PLCH1: variants seen among roughly 807,000 people sequenced by gnomAD.
PLCH1 encodes 1-phosphatidylinositol 4,5-bisphosphate phosphodiesterase eta-1.
PLCH1 carries 60 observed loss-of-function variants against 126.7 expected under a neutral mutation model. That is an observed-to-expected ratio of 0.47 (90% CI 0.38 to 0.59). The LOEUF (loss-of-function observed/expected upper bound fraction) is 0.59. Among genes scored for constraint, PLCH1 ranks in the 20% least tolerant of loss-of-function variants. The probability of loss-of-function intolerance (pLI) is 0.00; values close to 1 mark genes in which losing one functional copy is unlikely to be tolerated. For missense variants in PLCH1, 1,723 were observed against 2,040.0 expected (o/e 0.84, Z 2.99); for synonymous variants, 719 against 734.9 (o/e 0.98, Z 0.35).
At chr3:155,469,807 C>CA (rs1713105559) in intron 21 of PLCH1, among the ~76,000 whole-genome samples, 1 of 152,038 alleles carries the variant, frequency 6.6e-6, no homozygotes, top group African/African-American at 2.4e-5. Flanking sequence ...CACCCCCCAG[C>CA]AGGGGCACAC....
intron 2 of PLCH1, among the ~76,000 whole-genome samples, chr3:155,619,498 TAA>T (rs1553857946): frequency 3.7e-5 from 5 of 133,486 alleles, no homozygotes; most frequent in Non-Finnish European, 3.3e-5. Context: ...ACAGAAAAAG[TAA>T]AAAAAAAAAA....
At chr3:155,516,614 C>T (rs1484282708) in intron 11 of PLCH1, among the ~76,000 whole-genome samples, 4 of 151,942 alleles carry the variant, frequency 2.6e-5, no homozygotes, top group Non-Finnish European at 5.9e-5. Flanking sequence ...AATCTGGCAG[C>T]GTATGCCAAA....
At chr3:155,532,680 AC>A (rs1049393565) in intron 10 of PLCH1, among the ~76,000 whole-genome samples, 198 of 152,208 alleles carry the variant, frequency 1.3e-3, no homozygotes, top group African/African-American at 4.6e-3. Flanking sequence ...TTTCCTCTTC[AC>A]CTTCTGCCAT....
intron 2 of PLCH1, among the ~76,000 whole-genome samples, chr3:155,601,714 T>G (rs2108680495): frequency 6.6e-6 from 1 of 152,300 alleles, no homozygotes; most frequent in East Asian, 1.9e-4. Context: ...ACAGTTTTAC[T>G]GAGGTGTCAT....
chr3:155,497,412 C>T lies in PLCH1; in HGVS notation c.1802G>A (p.Gly601Asp). Residue 601 changes from glycine (G) to aspartate (D), a missense_variant, in exon 15 of 23, where the codon GGT becomes GAT. Physicochemically the swap from Gly to Asp is moderately conservative, Grantham distance 94 (BLOSUM62 -1). Transcript: ENST00000460012. ...GKEGGQLYRL[G>D]RRRKTMKLCR... is the part of the protein sequence containing the mutation. ...GAGCTTCATGGTTTTCCTTCGGCGA[C>T]CCAATCTGTGAAGTACCCACAGAGG... 1 of 1,612,544 alleles carries T rather than the reference C, an allele frequency of 6.2e-7. No individual in the cohort carries two copies. Among genetic ancestry groups the T allele is most frequent in the Non-Finnish European group, 8.5e-7 (1 of 1,178,630 alleles).
chr3:155,704,048 C>T, intron 2 of PLCH1, 98 bp downstream of exon 2: 1 of 480,138 alleles, frequency 2.1e-6, no homozygotes, highest in Non-Finnish European at 3.3e-6. Flanking sequence ...TGGTTCCATC[C>T]AACAATTATA....
rs887061354 is a variant in PLCH1 at position 155,482,422 on chromosome 3, C to T, written c.3604G>A (p.Ala1202Thr). 1 of 1,613,946 alleles carries T rather than the reference C, an allele frequency of 6.2e-7. No individual in the cohort carries two copies. Among genetic ancestry groups the T allele is most frequent in the African/African-American group, 1.3e-5 (1 of 74,892 alleles). Residue 1202 changes from alanine (A) to threonine (T), a missense_variant, in exon 23 of 23, where the codon GCT becomes ACT. This residue lies in a region of PLCH1 where 947 missense variants were observed against 977.1 expected (regional missense o/e 0.97). Transcript: ENST00000460012. ...IGQFDETNNQALTVVSHLHNT... is the reference protein window; with the variant it reads ...IGQFDETNNQTLTVVSHLHNT... The stretch of plus-strand genomic sequence containing the variant: ...TGAAGATGAGAAACAACTGTGAGAG[C>T]CTGATTGTTGGTCTCATCAAACTGG...
intron 6 of PLCH1, among the ~76,000 whole-genome samples, chr3:155,575,369 G>A (rs1729785968): frequency 6.6e-6 from 1 of 151,946 alleles, no homozygotes; most frequent in Non-Finnish European, 1.5e-5. Context: ...GAAGGGAGAG[G>A]GCACATATGA....
At chr3:155,646,518 T>C (rs1740080739) in intron 2 of PLCH1, among the ~76,000 whole-genome samples, 1 of 152,208 alleles carries the variant, frequency 6.6e-6, no homozygotes, top group Non-Finnish European at 1.5e-5. Flanking sequence ...CTTTGCAGAC[T>C]CTTGTTTTAT....
Position 155,492,189 on chromosome 3 carries a change from G to A in PLCH1, c.2307+540C>T, listed in dbSNP as rs538647794. ...CATAGGAGAAGCTGCTATATAGCGA[G>A]AAAACAGAAGCCAAGAAGGTATAAT... On this transcript the variant is annotated intron_variant, in intron 18 of 22. Transcript: ENST00000460012. Among the ~76,000 whole-genome samples the A allele has an allele frequency of 5.3e-5, 8 of 150,668 alleles. 2 individuals are homozygous for A. The South Asian group carries it at 1.7e-3, about 31-fold the overall frequency.
downstream of PLCH1, among the ~76,000 whole-genome samples, chr3:155,478,230 G>C (rs1576773587): frequency 6.6e-6 from 1 of 152,168 alleles, no homozygotes; most frequent in African/African-American, 2.4e-5. Flanking sequence ...GAGTAGGATA[G>C]TTACATAGGC....
chr3:155,536,437 T>C (rs1233151356), intron 10 of PLCH1, among the ~76,000 whole-genome samples: 1 of 152,094 alleles, frequency 6.6e-6, no homozygotes, highest in Admixed American at 6.5e-5. Flanking sequence ...ATGCAGACTA[T>C]GGATGAAAAA....
At chr3:155,514,638 G>A in intron 12 of PLCH1, 85 bp downstream of exon 12, 1 of 850,922 alleles carries the variant, frequency 1.2e-6, no homozygotes. Flanking sequence ...AGAAGTTGGA[G>A]GAGCATTTCA....
chr3:155,606,451 A>G (rs916340700), intron 2 of PLCH1, among the ~76,000 whole-genome samples: 1 of 152,188 alleles, frequency 6.6e-6, no homozygotes, highest in Non-Finnish European at 1.5e-5. Context: ...AAATAACTCC[A>G]CATTATGAGG....
chr3:155,535,048 CA>C (rs964276370), intron 10 of PLCH1, among the ~76,000 whole-genome samples: 3 of 152,034 alleles, frequency 2.0e-5, no homozygotes, highest in Admixed American at 2.0e-4. Flanking sequence ...TTGGCCTTAC[CA>C]AGAGCTGAAA....
intron 16 of PLCH1, 42 bp from the exon 17 acceptor site, chr3:155,494,290 G>C: frequency 6.2e-7 from 1 of 1,609,220 alleles, no homozygotes; most frequent in Non-Finnish European, 8.5e-7. Context: ...CAAGATGGTG[G>C]CATAGTGAGA....
chr3:155,743,016 T>C (rs1206957808), intron 1 of PLCH1: 1 of 252,980 alleles, frequency 4.0e-6, no homozygotes, highest in Non-Finnish European at 7.8e-6. Flanking sequence ...TTTAAATTTG[T>C]ATTAGCATTT....
chr3:155,729,221 G>T (rs927638999), intron 1 of PLCH1, among the ~76,000 whole-genome samples: 16 of 152,194 alleles, frequency 1.1e-4, no homozygotes, highest in African/African-American at 3.6e-4. Context: ...ATCCACCAGT[G>T]AGTGAAGGGA....
chr3:155,517,610 C>A (rs537515594), intron 11 of PLCH1, among the ~76,000 whole-genome samples: 155 of 152,278 alleles, frequency 1.0e-3, no homozygotes, highest in African/African-American at 2.9e-3. Flanking sequence ...GTCTTCTCTT[C>A]TTATGAGGAC....
Sources: allele counts gnomAD v4.1 joint callset (sites outside exome capture counted in the v4.1 genomes callset), GRCh38; gene constraint gnomAD v4.1.1; regional missense constraint gnomAD v4.1.1; transcripts MANE v1.5; gene names NCBI Gene and HGNC (gene_info 2026-07-23, HGNC 2026-07-21).